SH3RF3: variants seen among roughly 807,000 people sequenced by gnomAD.
SH3RF3 encodes SH3 domain containing ring finger 3, also known as E3 ubiquitin-protein ligase SH3RF3.
SH3RF3 carries 29 observed loss-of-function variants against 66.3 expected under a neutral mutation model. That is an observed-to-expected ratio of 0.44 (90% CI 0.33 to 0.60). The LOEUF (loss-of-function observed/expected upper bound fraction) is 0.60. Among genes scored for constraint, SH3RF3 ranks in the 20% least tolerant of loss-of-function variants. The pLI is 0.04. For synonymous variants in SH3RF3, 583 were observed against 532.0 expected (o/e 1.10, Z -1.32); for missense variants, 1,194 against 1,190.9 (o/e 1.00, Z -0.04).
Position 109,190,733 on chromosome 2 carries a change from T to G in SH3RF3, c.573+60620T>G, listed in dbSNP as rs181208054. On this transcript the variant is annotated intron_variant, in intron 1 of 9. Transcript: ENST00000309415. ...ATTTGCTAGGTGTTGGGTGTCTCCCTTCTTTTCCCAGTCACATGACTCACA... is the reference window on the plus strand; with the variant it reads ...ATTTGCTAGGTGTTGGGTGTCTCCCGTCTTTTCCCAGTCACATGACTCACA... Among the ~76,000 whole-genome samples the G allele has an allele frequency of 3.6e-3, 541 of 152,286 alleles. 1 individual carries two copies. The highest frequency in any genetic ancestry group is 6.4e-3 in the Non-Finnish European group (433 of 68,022).
chr2:109,177,137 C>CT (rs1007540598), intron 1 of SH3RF3, among the ~76,000 whole-genome samples: 6 of 152,190 alleles, frequency 3.9e-5, no homozygotes, highest in African/African-American at 1.4e-4. Context: ...GATTAGCCAT[C>CT]TGCCTTTATC....
chr2:109,145,247 A>G (rs1448223282), intron 1 of SH3RF3, among the ~76,000 whole-genome samples: 2 of 152,076 alleles, frequency 1.3e-5, no homozygotes, highest in Non-Finnish European at 1.5e-5. Context: ...TCCCCAGTCC[A>G]TCTGTGCCTG....
intron 3 of SH3RF3, among the ~76,000 whole-genome samples, chr2:109,374,622 G>C (rs758700349): frequency 1.2e-4 from 19 of 152,212 alleles, no homozygotes; most frequent in Non-Finnish European, 1.8e-4. Context: ...CACAGTCCCG[G>C]TGATGCTTGT....
At chr2:109,157,259 T>G (rs1677368982) in intron 1 of SH3RF3, among the ~76,000 whole-genome samples, 1 of 152,204 alleles carries the variant, frequency 6.6e-6, no homozygotes, top group Admixed American at 6.5e-5. Context: ...AAACTTGCAG[T>G]CAGGCCAGCA....
At chr2:109,205,267 T>TTTTTTTTTTTTA (rs1553484611) in intron 1 of SH3RF3, among the ~76,000 whole-genome samples, 2 of 151,878 alleles carry the variant, frequency 1.3e-5, no homozygotes, top group Admixed American at 6.6e-5. Context: ...GTGACTTTTT[T>TTTTTTTTTTTTA]TTTTTTTTTT....
At chr2:109,223,980 T>C (rs2105159508) in intron 1 of SH3RF3, among the ~76,000 whole-genome samples, 1 of 152,240 alleles carries the variant, frequency 6.6e-6, no homozygotes, top group Non-Finnish European at 1.5e-5. Flanking sequence ...CCAGCCTAGG[T>C]GACAGAGTGA....
chr2:109,238,060 G>T (rs547938722), intron 1 of SH3RF3, among the ~76,000 whole-genome samples: 2 of 152,126 alleles, frequency 1.3e-5, no homozygotes, highest in Admixed American at 1.3e-4. Context: ...TAAAAAATTA[G>T]CCAAGCATGG....
At chr2:109,318,526 G>A (rs1300922593) in intron 1 of SH3RF3, among the ~76,000 whole-genome samples, 5 of 152,202 alleles carry the variant, frequency 3.3e-5, no homozygotes, top group Non-Finnish European at 4.4e-5. Flanking sequence ...TGGGATAAAC[G>A]CTGTGAGAGA....
chr2:109,284,384 A>G (rs903210592), intron 1 of SH3RF3, among the ~76,000 whole-genome samples: 1 of 152,220 alleles, frequency 6.6e-6, no homozygotes, highest in Non-Finnish European at 1.5e-5. Context: ...GATGAAATCA[A>G]TGGAATTTGG....
chr2:109,318,991 TCA>T (rs1228341314), intron 1 of SH3RF3, among the ~76,000 whole-genome samples: 2 of 152,198 alleles, frequency 1.3e-5, no homozygotes, highest in Non-Finnish European at 2.9e-5. Flanking sequence ...CCAGAACAGA[TCA>T]AAGCCCTCTG....
chr2:109,323,114 C>A (rs11689882), intron 1 of SH3RF3, among the ~76,000 whole-genome samples: 7,504 of 152,286 alleles, frequency 0.049, 212 homozygotes, highest in African/African-American at 0.08. Flanking sequence ...TGTGCCCGGG[C>A]TCCCAGCATA....
intron 1 of SH3RF3, among the ~76,000 whole-genome samples, chr2:109,145,376 C>T (rs943639392): frequency 6.6e-6 from 1 of 152,216 alleles, no homozygotes; most frequent in Non-Finnish European, 1.5e-5. Context: ...CCTGTGAGCC[C>T]TGCCCCTCTC....
intron 8 of SH3RF3, among the ~76,000 whole-genome samples, chr2:109,466,115 C>T (rs60411846): frequency 0.011 from 1,568 of 138,200 alleles, 34 homozygotes; most frequent in African/African-American, 0.039. Context: ...AGTCTCGCTC[C>T]GTCGCCCAGG....
chr2:109,298,468 T>G (rs1392115778), intron 1 of SH3RF3, among the ~76,000 whole-genome samples: 3 of 151,968 alleles, frequency 2.0e-5, no homozygotes, highest in Non-Finnish European at 2.9e-5. Context: ...GGAAAAACCA[T>G]TTCTGAGCCC....
At chr2:109,247,451 C>T (rs1679944234) in intron 1 of SH3RF3, among the ~76,000 whole-genome samples, 1 of 152,210 alleles carries the variant, frequency 6.6e-6, no homozygotes, top group Non-Finnish European at 1.5e-5. Context: ...CCTGACCGTT[C>T]CTCTGAGGAC....
intron 4 of SH3RF3, among the ~76,000 whole-genome samples, chr2:109,402,984 T>C (rs1267434235): frequency 6.6e-6 from 1 of 152,108 alleles, no homozygotes. Context: ...TCGACTGCAG[T>C]TGATACACAG....
In SH3RF3 at chr2:109,475,819, G is replaced by C. The variant is rs1447580377; in HGVS notation, c.2149-14786G>C. On this transcript the variant is annotated intron_variant, in intron 8 of 9. Transcript: ENST00000309415. ...CCTCTGAAACAGTGACTGAGTGTCA[G>C]CACTCTGGGGCCTGGCTGCCTCTAC... Among the ~76,000 whole-genome samples the C allele has an allele frequency of 5.3e-5, 8 of 152,214 alleles. No homozygotes were observed. In the East Asian group the frequency reaches 1.5e-3, roughly 29 times the overall value.
At chr2:109,462,725 A>T (rs1326617146) in intron 8 of SH3RF3, among the ~76,000 whole-genome samples, 1 of 152,186 alleles carries the variant, frequency 6.6e-6, no homozygotes, top group South Asian at 2.1e-4. Context: ...CCTGCTGCTG[A>T]GTACGTCTAG....
chr2:109,481,895 G>A (rs1678846165), intron 8 of SH3RF3, among the ~76,000 whole-genome samples: 1 of 152,150 alleles, frequency 6.6e-6, no homozygotes, highest in Non-Finnish European at 1.5e-5. Context: ...TTATCACCAC[G>A]GAATCACTGC....
Sources: allele counts gnomAD v4.1 joint callset (sites outside exome capture counted in the v4.1 genomes callset), GRCh38; gene constraint gnomAD v4.1.1; transcripts MANE v1.5; gene names NCBI Gene and HGNC (gene_info 2026-07-23, HGNC 2026-07-21).